CRADD: variants seen among roughly 807,000 people sequenced by gnomAD.
CRADD encodes death domain-containing protein CRADD.
Under a neutral mutation model 15.5 loss-of-function variants are expected in CRADD, and 9 were observed. The ratio of observed to expected loss-of-function variants is 0.58; its 90% confidence interval spans 0.35 to 1.01. The LOEUF (loss-of-function observed/expected upper bound fraction) is 1.01, where lower values mean the gene tolerates loss of function less well. CRADD is among the 50% of genes least tolerant of loss of function. CRADD has a pLI of 0.02. For missense variants in CRADD, 227 were observed against 250.3 expected (o/e 0.91, Z 0.63); for synonymous variants, 118 against 107.6 (o/e 1.10, Z -0.60).
chr12:93,862,140 C>T (rs543893853), intron 2 of CRADD, among the ~76,000 whole-genome samples: 1 of 152,278 alleles, frequency 6.6e-6, no homozygotes, highest in Non-Finnish European at 1.5e-5. Flanking sequence ...TACATTAAAC[C>T]TCTTTCCTTC....
At chr12:93,891,132 G>A (rs933461038) in intron 2 of CRADD, among the ~76,000 whole-genome samples, 2 of 152,254 alleles carry the variant, frequency 1.3e-5, no homozygotes, top group South Asian at 2.1e-4. Flanking sequence ...ACCACCTTGG[G>A]CACATGTTCT....
chr12:93,745,411 C>G (rs562545381), intron 2 of CRADD, among the ~76,000 whole-genome samples: 1 of 152,284 alleles, frequency 6.6e-6, no homozygotes, highest in South Asian at 2.1e-4. Context: ...TTTTGGACTT[C>G]CCCACTTCCT....
chr12:93,748,659 C>T (rs1426446107), intron 2 of CRADD, among the ~76,000 whole-genome samples: 1 of 122,450 alleles, frequency 8.2e-6, no homozygotes. Context: ...GGGAAGTGAT[C>T]TGCAAAAGCA....
At chr12:93,814,998 T>C (rs1423303831) in intron 2 of CRADD, 1 of 152,164 alleles carries the variant, frequency 6.6e-6, no homozygotes, top group Non-Finnish European at 1.5e-5. Context: ...CTGGTAGCAA[T>C]CTGTGAAGGT....
chr12:93,874,410 A>AT (rs1242631917), intron 2 of CRADD, among the ~76,000 whole-genome samples: 3 of 150,380 alleles, frequency 2.0e-5, no homozygotes, highest in Non-Finnish European at 4.5e-5. Flanking sequence ...TGATTTTTGT[A>AT]TTTTTTTATT....
chr12:93,893,976 A>G (rs2137082186), intron 2 of CRADD: 2 of 700,492 alleles, frequency 2.9e-6, no homozygotes, highest in Middle Eastern at 2.3e-4. Flanking sequence ...ATACATCTCA[A>G]AGTGCACCAC....
chr12:93,804,183 A>T (rs769049159), intron 2 of CRADD, among the ~76,000 whole-genome samples: 1 of 152,156 alleles, frequency 6.6e-6, no homozygotes, highest in Non-Finnish European at 1.5e-5. Context: ...ACATCTGTAG[A>T]GTAGGCACAT....
intron 2 of CRADD, among the ~76,000 whole-genome samples, chr12:93,736,651 T>C (rs1956575221): frequency 6.6e-6 from 1 of 152,220 alleles, no homozygotes; most frequent in Admixed American, 6.5e-5. Flanking sequence ...GTAGGCTAAA[T>C]ATTTTCTAGT....
chr12:93,887,445 C>T (rs992994718), intron 2 of CRADD, among the ~76,000 whole-genome samples: 3 of 152,190 alleles, frequency 2.0e-5, no homozygotes, highest in Admixed American at 6.5e-5. Flanking sequence ...GTCCGTCTGG[C>T]AAGAAGAAAT....
chr12:93,738,826 A>T (rs1476146179), intron 2 of CRADD, among the ~76,000 whole-genome samples: 1 of 136,366 alleles, frequency 7.3e-6, no homozygotes. Flanking sequence ...GGAAGGAGAA[A>T]GAAAGAAGGA....
At chr12:93,829,611 T>C (rs1020102468) in intron 2 of CRADD, among the ~76,000 whole-genome samples, 1 of 152,252 alleles carries the variant, frequency 6.6e-6, no homozygotes, top group African/African-American at 2.4e-5. Flanking sequence ...TTGCTACCAC[T>C]GTGCAGCCTC....
At chr12:93,738,564 C>T (rs769320525) in intron 2 of CRADD, 1 of 681,162 alleles carries the variant, frequency 1.5e-6, no homozygotes, top group Middle Eastern at 3.6e-4. Flanking sequence ...ACACCTGCCT[C>T]ACCCCGCTCC....
chr12:93,780,542 T>C (rs1957195312), intron 2 of CRADD, among the ~76,000 whole-genome samples: 3 of 152,198 alleles, frequency 2.0e-5, no homozygotes, highest in Non-Finnish European at 4.4e-5. Context: ...CTCTTTTCAC[T>C]GGACTCCCTG....
chr12:93,702,288 T>C (rs1955857114), intron 2 of CRADD, among the ~76,000 whole-genome samples: 1 of 152,078 alleles, frequency 6.6e-6, no homozygotes, highest in South Asian at 2.1e-4. Context: ...ATATCTAGGC[T>C]TTGAATCTGG....
At chr12:93,858,730 C>A (rs1565941955) in intron 2 of CRADD, among the ~76,000 whole-genome samples, 1 of 152,222 alleles carries the variant, frequency 6.6e-6, no homozygotes, top group Non-Finnish European at 1.5e-5. Context: ...AGCCATAAAA[C>A]CTAGAAATAT....
At chr12:93,815,032 T>C (rs1676919826) in intron 2 of CRADD, 1 of 152,102 alleles carries the variant, frequency 6.6e-6, no homozygotes, top group South Asian at 2.1e-4. Context: ...TCACAATGAT[T>C]GGGGGTGGGG....
intron 2 of CRADD, among the ~76,000 whole-genome samples, chr12:93,701,756 G>A (rs961023341): frequency 6.6e-6 from 1 of 152,146 alleles, no homozygotes; most frequent in Admixed American, 6.5e-5. Flanking sequence ...TGGAGGATGA[G>A]AGAGGAGCTG....
At chr12:93,860,569 GC>G (rs1392117356) in intron 2 of CRADD, among the ~76,000 whole-genome samples, 1 of 152,176 alleles carries the variant, frequency 6.6e-6, no homozygotes, top group African/African-American at 2.4e-5. Flanking sequence ...CAAAAGGTCA[GC>G]CAGAGAAGAC....
chr12:93,751,799 G>A (rs892258636), intron 2 of CRADD, among the ~76,000 whole-genome samples: 7 of 152,318 alleles, frequency 4.6e-5, no homozygotes, highest in South Asian at 2.1e-4. Context: ...AGGAGAAGGC[G>A]CTGTAGTGAG....
Sources: gnomAD v4.1 joint callset for allele counts (sites outside exome capture counted in the v4.1 genomes callset) on GRCh38, gnomAD v4.1.1 for gene constraint, MANE v1.5 for transcripts, NCBI Gene and HGNC (gene_info 2026-07-23, HGNC 2026-07-21) for gene names.